Variants in NEURL1B observed in about 807,000 individuals in gnomAD.
NEURL1B encodes neuralized E3 ubiquitin protein ligase 1B.
A neutral mutation model predicts 37.4 loss-of-function variants in NEURL1B; 13 were observed. That is an observed-to-expected ratio of 0.35 (90% CI 0.23 to 0.55). The LOEUF is 0.55. NEURL1B is among the 20% of genes least tolerant of loss of function. NEURL1B has a pLI of 0.89. For missense variants in NEURL1B, 790 were observed against 879.2 expected (o/e 0.90, Z 1.28); for synonymous variants, 432 against 426.6 (o/e 1.01, Z -0.16).
At chr5:172,649,708 G>A (rs1328137347) in intron 1 of NEURL1B, among the ~76,000 whole-genome samples, 1 of 152,116 alleles carries the variant, frequency 6.6e-6, no homozygotes, top group African/African-American at 2.4e-5. Flanking sequence ...GTTCTGCATG[G>A]CAGAGGGTTT....
chr5:172,672,078 G>A (rs1561648808), intron 2 of NEURL1B, among the ~76,000 whole-genome samples: 1 of 152,258 alleles, frequency 6.6e-6, no homozygotes, highest in Non-Finnish European at 1.5e-5. Flanking sequence ...TGAAAGGGAT[G>A]CAGCACAGTT....
In NEURL1B at chr5:172,691,431, G is replaced by A. The variant is rs1758656875; in HGVS notation, c.*4506G>A. The A allele has an allele frequency of 6.6e-6, 1 of 151,788 alleles. No homozygotes were observed. Among genetic ancestry groups the A allele is most frequent in the South Asian group, 2.1e-4 (1 of 4,816 alleles). The allele number at this position is 151,788 out of a possible 1,614,324, so 9.4% of individuals were successfully genotyped here. ...GGAAGGGTTTGCACTGGTCTTGAGT[G>A]TTGTGCTTTTCTGTGTTGTGTGTTT... On this transcript the variant is annotated 3_prime_UTR_variant, in exon 5 of 5. Coordinates refer to ENST00000369800, the MANE Select transcript of NEURL1B (RefSeq NM_001142651.3).
intron 2 of NEURL1B, among the ~76,000 whole-genome samples, chr5:172,678,530 C>T (rs1481832565): frequency 6.6e-6 from 1 of 151,456 alleles, no homozygotes; most frequent in Non-Finnish European, 1.5e-5. Context: ...TAGCACCACC[C>T]CCTTGGTTGG....
chr5:172,670,414 A>G (rs1758100761), intron 2 of NEURL1B, 84 bp downstream of exon 2: 2 of 1,100,608 alleles, frequency 1.8e-6, no homozygotes, highest in Non-Finnish European at 2.4e-6. Context: ...AGCCACAGTC[A>G]CTTATGGAGA....
intron 1 of NEURL1B, among the ~76,000 whole-genome samples, chr5:172,660,938 GT>G (rs1202342498): frequency 6.6e-6 from 1 of 152,108 alleles, no homozygotes; most frequent in African/African-American, 2.4e-5. Flanking sequence ...GCCTGGTTAT[GT>G]TTTTTTCCAG....
chr5:172,657,033 A>G lies in NEURL1B; in HGVS notation c.32-12752A>G, dbSNP rs562847245. 2.0e-4 allele frequency among the ~76,000 whole-genome samples: 30 copies of G among 152,264 alleles called. No homozygotes were observed. The South Asian group carries it at 5.8e-3, about 29-fold the overall frequency. On this transcript the variant is annotated intron_variant, in intron 1 of 4. Transcript: ENST00000369800. The surrounding 1 kb of genome is among the most constrained non-coding windows in gnomAD (Gnocchi z 4.0). ...GTAGGACCAAATAGTCCTGCTATAGACTATTTGAGTCAGTCCCTCACGTCC... is the reference window on the plus strand; with the variant it reads ...GTAGGACCAAATAGTCCTGCTATAGGCTATTTGAGTCAGTCCCTCACGTCC...
chr5:172,656,843 TG>T, intron 1 of NEURL1B: 1 of 608,960 alleles, frequency 1.6e-6, no homozygotes, highest in Non-Finnish European at 2.9e-6. Context: ...ATCTTTAGGA[TG>T]GGGATAATGA....
intron 1 of NEURL1B, among the ~76,000 whole-genome samples, chr5:172,653,205 A>G (rs992180236): frequency 2.6e-5 from 4 of 152,192 alleles, no homozygotes; most frequent in African/African-American, 9.7e-5. Context: ...TTTGTTTTAA[A>G]TGTGGGGACG....
At position 172,684,147 on chromosome 5, in the gene NEURL1B, C is replaced by A; in HGVS notation, c.1297+9C>A. On this transcript the variant is annotated intron_variant, in intron 3 of 4. Coordinates refer to ENST00000369800, the MANE Select transcript of NEURL1B (RefSeq NM_001142651.3). Reference sequence around the variant, plus strand: ...CCAGCTGCGTCTCCTCGGTGAGTCCCCGGCCCCGCGTGCGCGAGGCCCCGC... The same window carrying A: ...CCAGCTGCGTCTCCTCGGTGAGTCCACGGCCCCGCGTGCGCGAGGCCCCGC... The A allele has an allele frequency of 1.6e-6, 2 of 1,232,104 alleles. No homozygotes were observed. Among genetic ancestry groups the A allele is most frequent in the East Asian group, 3.4e-5 (1 of 29,732 alleles). 76.3% of individuals were successfully genotyped at this position (1,232,104 alleles called of 1,614,324 possible).
Position 172,684,156 on chromosome 5 carries a change from C to T in NEURL1B, c.1297+18C>T, listed in dbSNP as rs1758432481. ...TCTCCTCGGTGAGTCCCCGGCCCCG[C>T]GTGCGCGAGGCCCCGCCCCTCCCCC... On this transcript the variant is annotated intron_variant, in intron 3 of 4. Transcript: ENST00000369800. 5 of 1,225,300 alleles carry T rather than the reference C, an allele frequency of 4.1e-6. No homozygotes were observed. Among genetic ancestry groups the T allele is most frequent in the African/African-American group, 1.6e-5 (1 of 63,376 alleles). 75.9% of individuals were successfully genotyped at this position (1,225,300 alleles called of 1,614,324 possible). A position where few individuals can be genotyped will look rare whatever the true frequency, so the allele number is the denominator to read the frequency against.
intron 1 of NEURL1B, among the ~76,000 whole-genome samples, chr5:172,650,753 G>A (rs1056887168): frequency 1.8e-4 from 27 of 152,224 alleles, no homozygotes; most frequent in Admixed American, 1.0e-3. Flanking sequence ...ACAAGGGAGG[G>A]GAAGGGGTTC....
chr5:172,669,052 T>C (rs1758069396), intron 1 of NEURL1B, among the ~76,000 whole-genome samples: 1 of 152,152 alleles, frequency 6.6e-6, no homozygotes. Flanking sequence ...ACCTCAGTAA[T>C]ATATATCATC....
chr5:172,653,460 T>C (rs1246301331), intron 1 of NEURL1B, among the ~76,000 whole-genome samples: 1 of 152,192 alleles, frequency 6.6e-6, no homozygotes, highest in Admixed American at 6.5e-5. Flanking sequence ...GTAAAATGTT[T>C]ATAGACTCTT....
rs1758609085 is a variant in NEURL1B, at chr5:172,689,996, C to T, written c.*3071C>T. 6.6e-6 allele frequency: 1 copy of T among 152,306 alleles called. No homozygotes were observed. Among genetic ancestry groups the T allele is most frequent in the South Asian group, 2.1e-4 (1 of 4,828 alleles). 9.4% of individuals were successfully genotyped at this position (152,306 alleles called of 1,614,324 possible). A position where few individuals can be genotyped will look rare whatever the true frequency, so the allele number is the denominator to read the frequency against. ...ACCTGGGGCCTTGTCCCACCACCTT[C>T]CTAGGCCCCGTGATCACCACCCCCT... On this transcript the variant is annotated 3_prime_UTR_variant, in exon 5 of 5. Coordinates refer to ENST00000369800, the MANE Select transcript of NEURL1B (RefSeq NM_001142651.3).
Position 172,683,207 on chromosome 5 carries a change from C to A in NEURL1B, c.578-212C>A, listed in dbSNP as rs187491925. The stretch of plus-strand genomic sequence containing the variant: ...CAAAGGTAAGAGCATGTCAAGGAAA[C>A]CGAGGATGGTGCTTAATGCAATTCT... On this transcript the variant is annotated intron_variant, in intron 2 of 4. Coordinates refer to ENST00000369800, the MANE Select transcript of NEURL1B (RefSeq NM_001142651.3). This position sits in a 1 kb window ranked among gnomAD's most constrained non-coding sequence, Gnocchi z 5.6. Among the ~76,000 whole-genome samples the A allele has an allele frequency of 1.1e-3, 162 of 152,232 alleles. No homozygotes were observed. The highest frequency in any genetic ancestry group is 1.8e-3 in the Admixed American group (28 of 15,294).
chr5:172,684,208 C>T, intron 3 of NEURL1B, 70 bp downstream of exon 3: 3 of 1,139,280 alleles, frequency 2.6e-6, no homozygotes, highest in Non-Finnish European at 3.3e-6. Context: ...CCCCGCTGCG[C>T]TCTTCCCCGG....
intron 2 of NEURL1B, among the ~76,000 whole-genome samples, chr5:172,679,504 C>T (rs2113323795): frequency 6.6e-6 from 1 of 152,350 alleles, no homozygotes; most frequent in Non-Finnish European, 1.5e-5. Flanking sequence ...ACTGGTTCTC[C>T]TTAGAAGAAA....
chr5:172,682,425 A>G (rs1163332489), intron 2 of NEURL1B, among the ~76,000 whole-genome samples: 3 of 152,160 alleles, frequency 2.0e-5, no homozygotes. Context: ...AAATACAAAA[A>G]TTAAGCCGGG....
At chr5:172,658,760 C>T (rs1287801731) in intron 1 of NEURL1B, among the ~76,000 whole-genome samples, 2 of 152,108 alleles carry the variant, frequency 1.3e-5, no homozygotes, top group African/African-American at 4.8e-5. Context: ...GTAGCCATCA[C>T]CTCCTCCATC....
Sources: gnomAD v4.1 joint callset for allele counts (sites outside exome capture counted in the v4.1 genomes callset) on GRCh38, gnomAD v4.1.1 for gene constraint, Gnocchi (gnomAD v3.1) non-coding constraint, MANE v1.5 for transcripts, NCBI Gene and HGNC (gene_info 2026-07-23, HGNC 2026-07-21) for gene names.